CBFB: variants seen among roughly 807,000 people sequenced by gnomAD.
The protein encoded by CBFB is CBF-beta.
Under a neutral mutation model 30.4 loss-of-function variants are expected in CBFB, and 9 were observed. The observed-to-expected ratio is 0.30, with a 90% CI of 0.18 to 0.52. CBFB has a LOEUF of 0.52. Ranked by LOEUF, CBFB falls within the 20% of genes least tolerant of loss-of-function variation. The probability of loss-of-function intolerance (pLI) is 0.97; values close to 1 mark genes in which losing one functional copy is unlikely to be tolerated. For synonymous variants in CBFB, 94 were observed against 84.0 expected (o/e 1.12, Z -0.65); for missense variants, 170 against 244.0 (o/e 0.70, Z 2.02).
intron 4 of CBFB, among the ~76,000 whole-genome samples, chr16:67,080,135 A>G (rs1270397846): frequency 6.6e-6 from 1 of 152,212 alleles, no homozygotes; most frequent in Non-Finnish European, 1.5e-5. Flanking sequence ...GAAGTGTGTG[A>G]CGGCAAAGGC....
chr16:67,070,256 C>T (rs969891546), intron 4 of CBFB, among the ~76,000 whole-genome samples: 2 of 152,146 alleles, frequency 1.3e-5, no homozygotes, highest in Non-Finnish European at 2.9e-5. Flanking sequence ...TGGTCTGGCC[C>T]AGGCCATCCC....
At chr16:67,041,179 T>G (rs1418261656) in intron 3 of CBFB, among the ~76,000 whole-genome samples, 1 of 152,208 alleles carries the variant, frequency 6.6e-6, no homozygotes, top group African/African-American at 2.4e-5. Context: ...GGACTCAAGT[T>G]ATGCTCTTGG....
chr16:67,073,719 G>A (rs1270803095), intron 4 of CBFB, among the ~76,000 whole-genome samples: 1 of 152,044 alleles, frequency 6.6e-6, no homozygotes. Flanking sequence ...TCCAGCCTGG[G>A]CAGCAGAGTG....
At chr16:67,066,832 C>T (rs762268077) in intron 4 of CBFB, 34 bp downstream of exon 4, 3 of 1,201,852 alleles carry the variant, frequency 2.5e-6, no homozygotes, top group South Asian at 2.5e-5. Context: ...GAGCATGGTC[C>T]CTTTAGTCCC....
At chr16:67,046,758 A>G (rs1273822671) in intron 3 of CBFB, among the ~76,000 whole-genome samples, 2 of 152,076 alleles carry the variant, frequency 1.3e-5, no homozygotes, top group African/African-American at 4.8e-5. Flanking sequence ...ATTTCTTTTT[A>G]ACAGCATAAA....
intron 5 of CBFB, among the ~76,000 whole-genome samples, chr16:67,086,273 TG>T (rs2145776904): frequency 1.3e-5 from 2 of 152,368 alleles, no homozygotes; most frequent in East Asian, 3.8e-4. Flanking sequence ...TCATGCTCTT[TG>T]TTCCCTGATG....
intron 3 of CBFB, 63 bp from the exon 4 acceptor site, chr16:67,066,619 T>G (rs1961068122): frequency 1.1e-6 from 1 of 871,920 alleles, no homozygotes; most frequent in African/African-American, 1.7e-5. Flanking sequence ...TAAGTAAGTT[T>G]AATCTTTTTA....
At chr16:67,080,094 A>T (rs764714498) in intron 4 of CBFB, among the ~76,000 whole-genome samples, 2 of 152,184 alleles carry the variant, frequency 1.3e-5, no homozygotes, top group Non-Finnish European at 2.9e-5. Context: ...TCTGTCTCAA[A>T]AATAATAATA....
At chr16:67,074,842 G>C (rs1334414979) in intron 4 of CBFB, among the ~76,000 whole-genome samples, 2 of 152,168 alleles carry the variant, frequency 1.3e-5, no homozygotes, top group Non-Finnish European at 2.9e-5. Flanking sequence ...AGTATTAAGA[G>C]AATGTAAAGG....
intron 5 of CBFB, among the ~76,000 whole-genome samples, chr16:67,096,111 A>AC (rs1021688111): frequency 2.7e-5 from 4 of 149,726 alleles, no homozygotes; most frequent in African/African-American, 9.8e-5. Flanking sequence ...GGAGTTCGAG[A>AC]CCAGCCTGGC....
intron 3 of CBFB, among the ~76,000 whole-genome samples, chr16:67,054,079 G>A (rs1413300106): frequency 1.3e-5 from 2 of 151,900 alleles, no homozygotes; most frequent in Non-Finnish European, 1.5e-5. Context: ...TATATCCAGC[G>A]CACTGCTTTC....
chr16:67,059,672 C>G (rs1444507845), intron 3 of CBFB, among the ~76,000 whole-genome samples: 1 of 152,192 alleles, frequency 6.6e-6, no homozygotes, highest in Non-Finnish European at 1.5e-5. Flanking sequence ...ACTGGCTGTT[C>G]ATAGCCTGCC....
In CBFB at chr16:67,048,862, C is replaced by T. The variant is rs1394900607; in HGVS notation, c.282+12107C>T. Among the ~76,000 whole-genome samples, 5 of 116,040 alleles carry T rather than the reference C, an allele frequency of 4.3e-5. No homozygotes were observed. In the Admixed American group the frequency reaches 5.7e-4, roughly 13 times the overall value. 76.1% of individuals were successfully genotyped at this position (116,040 alleles called of 152,430 possible). A position where few individuals can be genotyped will look rare whatever the true frequency, so the allele number is the denominator to read the frequency against. On this transcript the variant is annotated intron_variant, in intron 3 of 5. Coordinates refer to ENST00000412916, the MANE Select transcript of CBFB (RefSeq NM_022845.3). ...TGAGATGGAGTTTCACTCTTGTTGT[C>T]CAGACTGGAGTGCAATGGCGCCATC... is the stretch of plus-strand genomic sequence containing the variant.
chr16:67,041,140 G>T (rs1312406386), intron 3 of CBFB, among the ~76,000 whole-genome samples: 3 of 152,146 alleles, frequency 2.0e-5, no homozygotes, highest in African/African-American at 7.2e-5. Flanking sequence ...CAGGGTCTTG[G>T]TATGTTGCCC....
chr16:67,094,407 A>C (rs2145785850), intron 5 of CBFB, among the ~76,000 whole-genome samples: 1 of 152,300 alleles, frequency 6.6e-6, no homozygotes. Flanking sequence ...TTTATCAAAA[A>C]TGTAATATTT....
At chr16:67,093,801 C>T (rs1162243922) in intron 5 of CBFB, among the ~76,000 whole-genome samples, 1 of 152,172 alleles carries the variant, frequency 6.6e-6, no homozygotes, top group Non-Finnish European at 1.5e-5. Context: ...CTAGAAATTA[C>T]AAACTTTGTG....
At chr16:67,046,626 A>C (rs1362390579) in intron 3 of CBFB, among the ~76,000 whole-genome samples, 1 of 152,140 alleles carries the variant, frequency 6.6e-6, no homozygotes, top group African/African-American at 2.4e-5. Flanking sequence ...ACCACCACCA[A>C]AGTTCACCAT....
chr16:67,040,875 G>C (rs1323639533), intron 3 of CBFB, among the ~76,000 whole-genome samples: 1 of 152,164 alleles, frequency 6.6e-6, no homozygotes, highest in Admixed American at 6.5e-5. Flanking sequence ...GCAGGGGTTG[G>C]GGGTGGAGGA....
At chr16:67,058,161 G>GTTGTT (rs1960784551) in intron 3 of CBFB, among the ~76,000 whole-genome samples, 2 of 146,192 alleles carry the variant, frequency 1.4e-5, no homozygotes, top group African/African-American at 2.5e-5. Flanking sequence ...TTGTTGTTGA[G>GTTGTT]ATGGAGTCTT....
Sources: allele counts gnomAD v4.1 joint callset (sites outside exome capture counted in the v4.1 genomes callset), GRCh38; gene constraint gnomAD v4.1.1; transcripts MANE v1.5; gene names NCBI Gene and HGNC (gene_info 2026-07-23, HGNC 2026-07-21).